Variants in IRAK2 observed in about 807,000 individuals in gnomAD.
The protein encoded by IRAK2 is interleukin 1 receptor associated kinase 2, also known as interleukin-1 receptor-associated kinase-like 2.
In IRAK2, 57 loss-of-function variants were observed where a neutral mutation model predicts 72.0. The ratio of observed to expected loss-of-function variants is 0.79; its 90% CI spans 0.64 to 0.99. IRAK2 has a LOEUF of 0.99. IRAK2 is among the 50% of genes least tolerant of loss of function. The probability of loss-of-function intolerance (pLI) is 0.00; values close to 1 mark genes in which losing one functional copy is unlikely to be tolerated. For missense variants in IRAK2, 790 were observed against 794.4 expected (o/e 0.99, Z 0.07); for synonymous variants, 293 against 312.7 (o/e 0.94, Z 0.67).
intron 12 of IRAK2, 129 bp from the exon 13 acceptor site, chr3:10,241,987 A>AG: frequency 1.3e-5 from 3 of 229,478 alleles, no homozygotes; most frequent in South Asian, 3.9e-5. Flanking sequence ...AAAAAAAAAG[A>AG]AAAAAAAAAA....
In IRAK2 at chr3:10,222,689, C is replaced by T. The variant is rs776082881; in HGVS notation, c.1067C>T (p.Ala356Val). The T allele has an allele frequency of 6.8e-6, 11 of 1,614,066 alleles. No homozygotes were observed. Among genetic ancestry groups the T allele is most frequent in the Non-Finnish European group, 8.5e-6 (10 of 1,180,024 alleles). The part of the protein sequence containing the change: ...NLTPKLAHPM[A>V]HLCPVNKRSK... ...ACCCCCAAACTTGCTCACCCAATGG[C>T]TCATCTGTGTCCTGTCAACAAAAGG... Residue 356 changes from alanine to valine, a missense_variant, in exon 9 of 13, where the codon GCT (alanine) becomes GTT (valine). Transcript: ENST00000256458.
chr3:10,179,275 G>GTTTT (rs58462207), intron 2 of IRAK2, among the ~76,000 whole-genome samples: 8 of 136,682 alleles, frequency 5.9e-5, no homozygotes, highest in Non-Finnish European at 7.8e-5. Flanking sequence ...TTTTTCAGTT[G>GTTTT]TTTTTTTTTT....
chr3:10,191,614 T>C (rs1011119997), intron 2 of IRAK2, among the ~76,000 whole-genome samples: 3 of 152,020 alleles, frequency 2.0e-5, no homozygotes, highest in Non-Finnish European at 4.4e-5. Flanking sequence ...ACGTGTTCCC[T>C]CTCCTTGGAA....
At chr3:10,165,265 C>T (rs1696662964) in intron 1 of IRAK2, among the ~76,000 whole-genome samples, 1 of 152,182 alleles carries the variant, frequency 6.6e-6, no homozygotes. Flanking sequence ...CGAGCAGGGG[C>T]CGCCGCCACT....
At chr3:10,192,924 G>A (rs1575965242) in intron 2 of IRAK2, among the ~76,000 whole-genome samples, 1 of 152,018 alleles carries the variant, frequency 6.6e-6, no homozygotes, top group East Asian at 1.9e-4. Context: ...AGCAAATGAT[G>A]GTAGCTTAGA....
chr3:10,176,863 C>CTGGAGTGGCTG, intron 1 of IRAK2, among the ~76,000 whole-genome samples: 1 of 150,662 alleles, frequency 6.6e-6, no homozygotes, highest in East Asian at 2.0e-4. Flanking sequence ...AGTGCAATGG[C>CTGGAGTGGCTG]GTGATCTTGG....
intron 3 of IRAK2, among the ~76,000 whole-genome samples, chr3:10,203,529 G>T (rs1334203551): frequency 6.6e-6 from 1 of 152,216 alleles, no homozygotes; most frequent in African/African-American, 2.4e-5. Flanking sequence ...ATTTTGGTAG[G>T]AGTGAAGTAT....
intron 2 of IRAK2, among the ~76,000 whole-genome samples, chr3:10,188,427 C>T (rs979499756): frequency 7.9e-5 from 12 of 152,198 alleles, no homozygotes; most frequent in African/African-American, 2.4e-4. Flanking sequence ...CTCCGCCTCC[C>T]GGGTTCAAGC....
At chr3:10,213,690 C>G in intron 6 of IRAK2, 142 bp downstream of exon 6, 1 of 664,000 alleles carries the variant, frequency 1.5e-6, no homozygotes, top group South Asian at 1.8e-5. Context: ...CTACTATTAT[C>G]ACATTATTTT....
chr3:10,218,359 G>A (rs1559449991), intron 7 of IRAK2, among the ~76,000 whole-genome samples: 1 of 149,880 alleles, frequency 6.7e-6, no homozygotes, highest in Non-Finnish European at 1.5e-5. Context: ...GGGAGGCAGA[G>A]GTTGCGGTGA....
intron 7 of IRAK2, among the ~76,000 whole-genome samples, 186 bp downstream of exon 7, chr3:10,217,234 T>A (rs139586423): frequency 5.2e-4 from 79 of 152,260 alleles, no homozygotes; most frequent in African/African-American, 1.3e-3. Context: ...GCAGCACATA[T>A]ACCAAAATTG....
intron 1 of IRAK2, among the ~76,000 whole-genome samples, chr3:10,165,364 C>T (rs1696665500): frequency 6.6e-6 from 1 of 152,176 alleles, no homozygotes; most frequent in Non-Finnish European, 1.5e-5. Context: ...TCTCATCCAG[C>T]CCACAACAGC....
Position 10,219,657 on chromosome 3 carries a change from C to G in IRAK2, c.904-23C>G, listed in dbSNP as rs1352537597. 3.2e-6 allele frequency: 5 copies of G among 1,571,226 alleles called. No homozygotes were observed. In the East Asian group the frequency reaches 1.1e-4, roughly 35 times the overall value. Reference sequence around the variant, plus strand: ...AAAAAGGTACATTGTGACTATTTGTCCTCCTGCTTTTCTTTCTCTTAGGGT... The same window carrying G: ...AAAAAGGTACATTGTGACTATTTGTGCTCCTGCTTTTCTTTCTCTTAGGGT... On this transcript the variant is annotated intron_variant, in intron 7 of 12. Coordinates refer to ENST00000256458, the MANE Select transcript of IRAK2 (RefSeq NM_001570.4).
chr3:10,167,495 A>G (rs1209089354), intron 1 of IRAK2, among the ~76,000 whole-genome samples: 5 of 151,942 alleles, frequency 3.3e-5, no homozygotes, highest in Non-Finnish European at 5.9e-5. Flanking sequence ...GCTCACTGCA[A>G]GCTCCACCTC....
intron 10 of IRAK2, among the ~76,000 whole-genome samples, chr3:10,229,406 C>T (rs1017863690): frequency 1.3e-5 from 2 of 152,290 alleles, no homozygotes; most frequent in African/African-American, 4.8e-5. Context: ...TGAGCCATGG[C>T]GCCCAGCCTG....
At chr3:10,221,778 C>T (rs770310699) in intron 8 of IRAK2, among the ~76,000 whole-genome samples, 2 of 152,136 alleles carry the variant, frequency 1.3e-5, no homozygotes, top group African/African-American at 2.4e-5. Context: ...CCTCCTGTCT[C>T]GGCCTCACAA....
At chr3:10,227,126 A>C (rs1487980865) in intron 10 of IRAK2, among the ~76,000 whole-genome samples, 1 of 152,082 alleles carries the variant, frequency 6.6e-6, no homozygotes, top group African/African-American at 2.4e-5. Flanking sequence ...TAGGCCAAAG[A>C]TCTGATATAC....
intron 1 of IRAK2, among the ~76,000 whole-genome samples, chr3:10,170,874 C>T (rs1696784612): frequency 6.6e-6 from 1 of 152,246 alleles, no homozygotes; most frequent in South Asian, 2.1e-4. Context: ...CTCCAGTTCC[C>T]TCTTCAGCTG....
In IRAK2 at chr3:10,219,808, A is replaced by G. The variant is rs900371492; in HGVS notation, c.1013+19A>G. On this transcript the variant is annotated intron_variant, in intron 8 of 12. Coordinates refer to ENST00000256458, the MANE Select transcript of IRAK2 (RefSeq NM_001570.4). ...TCAAGAGGTGAGAGAGGTGGGCTGG[A>G]CCCTGCTGGGGCCTGGGCTGCAAGG... is the stretch of plus-strand genomic sequence containing the variant. 1.9e-6 allele frequency: 3 copies of G among 1,568,622 alleles called. No homozygotes were observed. The highest frequency in any genetic ancestry group is 2.6e-6 in the Non-Finnish European group (3 of 1,139,266).
Sources: gnomAD v4.1 joint callset for allele counts (sites outside exome capture counted in the v4.1 genomes callset) on GRCh38, gnomAD v4.1.1 for gene constraint, MANE v1.5 for transcripts, NCBI Gene and HGNC (gene_info 2026-07-23, HGNC 2026-07-21) for gene names.